SPOCK1: variants seen among roughly 807,000 people sequenced by gnomAD.
SPOCK1 encodes testican-1.
A neutral mutation model predicts 55.3 loss-of-function variants in SPOCK1; 23 were observed. That is an observed-to-expected ratio of 0.42 (90% CI 0.30 to 0.59). The LOEUF is 0.59. Ranked by LOEUF, SPOCK1 falls within the 20% of genes least tolerant of loss-of-function variation. The pLI is 0.22. For synonymous variants in SPOCK1, 226 were observed against 221.0 expected, an observed-to-expected ratio of 1.02 and a Z score of -0.20; for missense variants, 499 against 552.5, an observed-to-expected ratio of 0.90 and a Z score of 0.97.
chr5:137,021,129 G>T (rs1362330434), intron 6 of SPOCK1, among the ~76,000 whole-genome samples: 1 of 152,010 alleles, frequency 6.6e-6, no homozygotes, highest in East Asian at 1.9e-4. Context: ...TTTATGATAG[G>T]GAAAACTGGA....
intron 3 of SPOCK1, among the ~76,000 whole-genome samples, chr5:137,210,305 C>T (rs950374234): frequency 9.9e-5 from 15 of 152,134 alleles, no homozygotes; most frequent in African/African-American, 3.6e-4. Flanking sequence ...CTGAAAATGC[C>T]ACCTAAAGAA....
At chr5:137,327,131 C>T (rs753362843) in intron 2 of SPOCK1, among the ~76,000 whole-genome samples, 5 of 152,108 alleles carry the variant, frequency 3.3e-5, no homozygotes, top group Non-Finnish European at 7.4e-5. Context: ...ACTCCGAGTC[C>T]GATTGATTTC....
chr5:137,483,075 G>A (rs186017444), intron 2 of SPOCK1, among the ~76,000 whole-genome samples: 1 of 152,350 alleles, frequency 6.6e-6, no homozygotes, highest in African/African-American at 2.4e-5. Flanking sequence ...GCTCACGCCT[G>A]TAATCCCAGC....
chr5:137,430,512 GAC>G (rs976278303), intron 2 of SPOCK1, among the ~76,000 whole-genome samples: 2 of 152,204 alleles, frequency 1.3e-5, no homozygotes, highest in African/African-American at 4.8e-5. Context: ...GCAATGATGA[GAC>G]ACAGCCTCTG....
At chr5:137,496,223 T>C (rs562078320) in intron 2 of SPOCK1, among the ~76,000 whole-genome samples, 87 of 152,272 alleles carry the variant, frequency 5.7e-4, no homozygotes, top group East Asian at 2.3e-3. Flanking sequence ...GGACCATGGA[T>C]GCTATAATTT....
chr5:137,228,993 A>T (rs1756000545), intron 3 of SPOCK1, among the ~76,000 whole-genome samples: 1 of 152,128 alleles, frequency 6.6e-6, no homozygotes, highest in African/African-American at 2.4e-5. Context: ...CGCACTGCAA[A>T]TACAGGCACT....
intron 6 of SPOCK1, among the ~76,000 whole-genome samples, chr5:137,024,314 A>AGGGGG (rs10692964): frequency 5.0e-4 from 60 of 118,970 alleles, no homozygotes; most frequent in Non-Finnish European, 7.4e-4. Context: ...ACCAGTTTGA[A>AGGGGG]GGGGGGGGGG....
At chr5:137,042,281 G>A (rs1446018973) in intron 6 of SPOCK1, among the ~76,000 whole-genome samples, 1 of 152,166 alleles carries the variant, frequency 6.6e-6, no homozygotes, top group African/African-American at 2.4e-5. Flanking sequence ...ACAGATCAGT[G>A]GTTCCCAGGG....
At chr5:137,024,316 G>GCGGA (rs72180461) in intron 6 of SPOCK1, among the ~76,000 whole-genome samples, 10 of 139,954 alleles carry the variant, frequency 7.1e-5, no homozygotes, top group Non-Finnish European at 1.2e-4. Context: ...CAGTTTGAAG[G>GCGGA]GGGGGGGGTA....
At chr5:137,209,179 A>T (rs549028725) in intron 3 of SPOCK1, among the ~76,000 whole-genome samples, 1 of 152,348 alleles carries the variant, frequency 6.6e-6, no homozygotes, top group Non-Finnish European at 1.5e-5. Context: ...AGCCTCTTGA[A>T]TGTGGCAGCA....
At chr5:137,257,163 G>A (rs920055069) in intron 3 of SPOCK1, among the ~76,000 whole-genome samples, 6 of 152,330 alleles carry the variant, frequency 3.9e-5, no homozygotes, top group Non-Finnish European at 5.9e-5. Flanking sequence ...CTAGCAGAAT[G>A]AGACTTGAGA....
chr5:137,139,526 G>C (rs1214291319), intron 4 of SPOCK1, among the ~76,000 whole-genome samples: 1 of 152,106 alleles, frequency 6.6e-6, no homozygotes, highest in African/African-American at 2.4e-5. Context: ...CATGGTCCCA[G>C]CTCAAGCTGG....
intron 2 of SPOCK1, among the ~76,000 whole-genome samples, chr5:137,409,557 C>T (rs1021765624): frequency 6.6e-6 from 1 of 152,206 alleles, no homozygotes; most frequent in Non-Finnish European, 1.5e-5. Context: ...TAGTACCCAT[C>T]TCCTAGGGTT....
chr5:137,485,907 C>T (rs1245363627), intron 2 of SPOCK1, among the ~76,000 whole-genome samples: 1 of 152,212 alleles, frequency 6.6e-6, no homozygotes, highest in Admixed American at 6.5e-5. Flanking sequence ...ATTCTATCTC[C>T]TGATCTGGCT....
At position 137,404,150 on chromosome 5, in the gene SPOCK1, G is replaced by A. The variant is rs549765255; in HGVS notation, c.186+94223C>T. ...ATCCTGGAGTCACCAACTCAAATGCGCATATGTGGCCAAACTGATAAATTA... is the reference window on the plus strand; with the variant it reads ...ATCCTGGAGTCACCAACTCAAATGCACATATGTGGCCAAACTGATAAATTA... On this transcript the variant is annotated intron_variant, in intron 2 of 10. Coordinates refer to ENST00000394945, the MANE Select transcript of SPOCK1 (RefSeq NM_004598.4). Among the ~76,000 whole-genome samples, 4 of 152,224 alleles carry A rather than the reference G, an allele frequency of 2.6e-5. No individual in the cohort carries two copies. In the East Asian group the frequency reaches 5.8e-4, roughly 22 times the overall value.
intron 6 of SPOCK1, among the ~76,000 whole-genome samples, chr5:136,996,183 C>T (rs941237243): frequency 3.9e-5 from 6 of 152,054 alleles, no homozygotes; most frequent in African/African-American, 1.2e-4. Flanking sequence ...AAGTGGGGAC[C>T]CAGAGGATAC....
intron 2 of SPOCK1, among the ~76,000 whole-genome samples, chr5:137,327,977 C>A (rs576498946): frequency 6.6e-6 from 1 of 152,292 alleles, no homozygotes; most frequent in African/African-American, 2.4e-5. Context: ...GATCACACTG[C>A]GGAATTAACC....
intron 6 of SPOCK1, among the ~76,000 whole-genome samples, chr5:137,033,222 G>A (rs1044744616): frequency 4.6e-5 from 7 of 152,214 alleles, no homozygotes; most frequent in Non-Finnish European, 7.3e-5. Flanking sequence ...CTGGAGTCCC[G>A]GTGTGCTGCA....
chr5:137,317,745 G>A (rs963987420), intron 2 of SPOCK1, among the ~76,000 whole-genome samples: 1 of 152,138 alleles, frequency 6.6e-6, no homozygotes, highest in Admixed American at 6.5e-5. Flanking sequence ...CCTCCAGAAT[G>A]TGAAGCATTC....
Sources: gnomAD v4.1 joint callset for allele counts (sites outside exome capture counted in the v4.1 genomes callset) on GRCh38, gnomAD v4.1.1 for gene constraint, MANE v1.5 for transcripts, NCBI Gene and HGNC (gene_info 2026-07-23, HGNC 2026-07-21) for gene names.